SCAPER: variants seen among roughly 807,000 people sequenced by gnomAD.
SCAPER encodes S phase cyclin A-associated protein in the endoplasmic reticulum.
SCAPER carries 98 observed loss-of-function variants against 182.2 expected under a neutral mutation model. That is an observed-to-expected ratio of 0.54 (90% CI 0.46 to 0.64). The LOEUF is 0.64. Among genes scored for constraint, SCAPER ranks in the 30% least tolerant of loss-of-function variants. SCAPER has a pLI of 0.00. For synonymous variants in SCAPER, 605 were observed against 564.6 expected (o/e 1.07, Z -1.01); for missense variants, 1,432 against 1,690.0 (o/e 0.85, Z 2.68).
chr15:76,696,760 A>C (rs2147197107), intron 20 of SCAPER, among the ~76,000 whole-genome samples: 1 of 152,318 alleles, frequency 6.6e-6, no homozygotes, highest in African/African-American at 2.4e-5. Flanking sequence ...GTAAAAAGTT[A>C]AATTTTAGAA....
At chr15:76,861,652 T>G (rs1186496609) in intron 3 of SCAPER, among the ~76,000 whole-genome samples, 2 of 152,300 alleles carry the variant, frequency 1.3e-5, no homozygotes, top group East Asian at 1.9e-4. Context: ...TAAAGAAATA[T>G]CTTCTATTTT....
intron 21 of SCAPER, among the ~76,000 whole-genome samples, chr15:76,625,499 A>T (rs2052488523): frequency 6.6e-6 from 1 of 152,050 alleles, no homozygotes; most frequent in Admixed American, 6.5e-5. Context: ...TCATCCCTGG[A>T]GGCAGTAGCC....
intron 21 of SCAPER, among the ~76,000 whole-genome samples, chr15:76,627,660 A>T (rs527534397): frequency 6.6e-6 from 1 of 152,296 alleles, no homozygotes; most frequent in East Asian, 1.9e-4. Flanking sequence ...TCCATGGTGT[A>T]TATGTCCCAC....
chr15:76,490,718 A>G (rs2052212321), intron 24 of SCAPER, among the ~76,000 whole-genome samples: 2 of 152,124 alleles, frequency 1.3e-5, no homozygotes, highest in South Asian at 2.1e-4. Flanking sequence ...GTCAAGATCA[A>G]TATTATAAGG....
intron 25 of SCAPER, among the ~76,000 whole-genome samples, chr15:76,463,338 T>C (rs767085744): frequency 1.3e-5 from 2 of 152,064 alleles, no homozygotes; most frequent in Non-Finnish European, 2.9e-5. Context: ...GCTGCTGTAA[T>C]GAAAATCAAC....
At position 76,732,021 on chromosome 15, in the gene SCAPER, T is replaced by A. The variant is rs1038610776; in HGVS notation, c.2022+1208A>T. On this transcript the variant is annotated intron_variant, in intron 16 of 31. Transcript: ENST00000563290. ...ACTTCACCTAGTTGAAGCTGATGAT[T>A]CTATTGCTATGATTACAGTCTGCTG... 3.9e-5 allele frequency among the ~76,000 whole-genome samples: 6 copies of A among 152,350 alleles called. No individual in the cohort carries two copies. In the East Asian group the frequency reaches 1.2e-3, roughly 29 times the overall value.
intron 8 of SCAPER, among the ~76,000 whole-genome samples, chr15:76,777,334 T>C (rs2063802823): frequency 1.3e-5 from 2 of 152,098 alleles, no homozygotes; most frequent in African/African-American, 2.4e-5. Flanking sequence ...ACTAAGAGAA[T>C]AAATCACTAG....
chr15:76,438,877 C>T (rs560200144), intron 25 of SCAPER, among the ~76,000 whole-genome samples: 9 of 152,252 alleles, frequency 5.9e-5, no homozygotes, highest in African/African-American at 1.4e-4. Flanking sequence ...TTGGAACCTT[C>T]GGTAAAAGAT....
intron 27 of SCAPER, among the ~76,000 whole-genome samples, chr15:76,386,698 G>A (rs1317169037): frequency 1.3e-5 from 2 of 152,174 alleles, no homozygotes; most frequent in Non-Finnish European, 2.9e-5. Context: ...TAAAAGAGCA[G>A]AAGATCCCAA....
intron 29 of SCAPER, among the ~76,000 whole-genome samples, chr15:76,359,148 A>G (rs1001201455): frequency 1.2e-4 from 18 of 152,286 alleles, no homozygotes; most frequent in African/African-American, 4.3e-4. Context: ...CTCCCGCTAG[A>G]CCTGAAGCCC....
At chr15:76,638,893 A>G (rs987990819) in intron 21 of SCAPER, among the ~76,000 whole-genome samples, 2 of 152,212 alleles carry the variant, frequency 1.3e-5, no homozygotes, top group African/African-American at 4.8e-5. Flanking sequence ...AATTTTCATA[A>G]TAAACCTGCA....
At chr15:76,555,286 A>G (rs2046109350) in intron 23 of SCAPER, among the ~76,000 whole-genome samples, 1 of 152,226 alleles carries the variant, frequency 6.6e-6, no homozygotes, top group Admixed American at 6.5e-5. Flanking sequence ...AACACACTTA[A>G]GTACATAGAC....
chr15:76,618,957 G>A (rs2146056264), intron 22 of SCAPER, among the ~76,000 whole-genome samples: 1 of 152,258 alleles, frequency 6.6e-6, no homozygotes, highest in East Asian at 1.9e-4. Context: ...CGATTCTCCT[G>A]CCTCAGCCTC....
At chr15:76,710,229 C>CTTTTTTTT (rs1445524441) in intron 17 of SCAPER, among the ~76,000 whole-genome samples, 146 of 152,210 alleles carry the variant, frequency 9.6e-4, no homozygotes, top group Non-Finnish European at 1.4e-3. Context: ...GTAAAACAAA[C>CTTTTTTTT]TTTATTCACA....
intron 26 of SCAPER, among the ~76,000 whole-genome samples, chr15:76,418,719 C>G (rs1363908240): frequency 6.6e-6 from 1 of 152,228 alleles, no homozygotes; most frequent in Admixed American, 6.5e-5. Context: ...CAGGTGGCAT[C>G]CCACCCAACA....
At position 76,733,158 on chromosome 15, in the gene SCAPER, G is replaced by T. The variant is rs891055740; in HGVS notation, c.2022+71C>A. 11 of 1,412,076 alleles carry T rather than the reference G, an allele frequency of 7.8e-6. No individual in the cohort carries two copies. The South Asian group carries it at 1.4e-4, about 18-fold the overall frequency. 87.5% of individuals were successfully genotyped at this position (1,412,076 alleles called of 1,614,324 possible). A position where few individuals can be genotyped will look rare whatever the true frequency, so the allele number is the denominator to read the frequency against. ...CCGCACATGGGGAGAAAAACCCACCGACCCTGCGGGGCTGGACCCTACAAA... is the reference window on the plus strand; with the variant it reads ...CCGCACATGGGGAGAAAAACCCACCTACCCTGCGGGGCTGGACCCTACAAA... On this transcript the variant is annotated intron_variant, in intron 16 of 31. Coordinates refer to ENST00000563290, the MANE Select transcript of SCAPER (RefSeq NM_020843.4).
At chr15:76,832,193 C>T (rs1196161886) in intron 5 of SCAPER, among the ~76,000 whole-genome samples, 1 of 152,106 alleles carries the variant, frequency 6.6e-6, no homozygotes, top group Non-Finnish European at 1.5e-5. Context: ...AAGGAAACTC[C>T]AGAAGACATA....
chr15:76,531,510 G>A (rs1185009148), intron 23 of SCAPER, among the ~76,000 whole-genome samples: 4 of 152,086 alleles, frequency 2.6e-5, no homozygotes, highest in South Asian at 4.1e-4. Context: ...ATTAACTGGC[G>A]ACAAGCTACC....
intron 21 of SCAPER, among the ~76,000 whole-genome samples, chr15:76,657,216 A>G (rs1181472847): frequency 6.6e-6 from 1 of 152,144 alleles, no homozygotes; most frequent in Non-Finnish European, 1.5e-5. Context: ...CTAAGGGAAC[A>G]TTAATACCAG....
Sources: gnomAD v4.1 joint callset for allele counts (sites outside exome capture counted in the v4.1 genomes callset) on GRCh38, gnomAD v4.1.1 for gene constraint, MANE v1.5 for transcripts, NCBI Gene and HGNC (gene_info 2026-07-23, HGNC 2026-07-21) for gene names.